The following CACNA1E variants were observed in gnomAD, a reference collection of about 807,000 sequenced individuals.
The protein encoded by CACNA1E is calcium voltage-gated channel subunit alpha1 E.
In CACNA1E, 40 loss-of-function variants were observed where a neutral mutation model predicts 259.2. The ratio of observed to expected loss-of-function variants is 0.15; its 90% confidence interval spans 0.12 to 0.20. The LOEUF (loss-of-function observed/expected upper bound fraction) is 0.20. CACNA1E is among the 10% of genes least tolerant of loss of function. The probability of loss-of-function intolerance (pLI) is 1.00; values close to 1 mark genes in which losing one functional copy is unlikely to be tolerated. For missense variants in CACNA1E, 1,874 were observed against 3,040.1 expected, an observed-to-expected ratio of 0.62 and a Z score of 9.02; for synonymous variants, 1,104 against 1,138.5, an observed-to-expected ratio of 0.97 and a Z score of 0.61.
At chr1:181,792,215 C>T (rs951269996) in intron 44 of CACNA1E, among the ~76,000 whole-genome samples, 2 of 152,214 alleles carry the variant, frequency 1.3e-5, no homozygotes, top group African/African-American at 4.8e-5. Flanking sequence ...TCCTTTCTTT[C>T]ACAGGGAGAC....
At chr1:181,349,690 G>A (rs1314072962) in intron 1 of CACNA1E, among the ~76,000 whole-genome samples, 1 of 152,070 alleles carries the variant, frequency 6.6e-6, no homozygotes, top group Non-Finnish European at 1.5e-5. Flanking sequence ...GAGGACTCAG[G>A]CCTGTGTAGG....
At chr1:181,477,613 C>T in intron 2 of CACNA1E, among the ~76,000 whole-genome samples, 1 of 152,040 alleles carries the variant, frequency 6.6e-6, no homozygotes, top group East Asian at 1.9e-4. Flanking sequence ...ATTCCTCTTT[C>T]TGACCTGATC....
At chr1:181,671,399 C>A (rs1648779990) in intron 7 of CACNA1E, among the ~76,000 whole-genome samples, 1 of 152,188 alleles carries the variant, frequency 6.6e-6, no homozygotes, top group South Asian at 2.1e-4. Context: ...CAGTCCCTTG[C>A]TCTTATGAAC....
At chr1:181,583,849 G>A (rs944058064) in intron 6 of CACNA1E, among the ~76,000 whole-genome samples, 1 of 152,050 alleles carries the variant, frequency 6.6e-6, no homozygotes, top group Non-Finnish European at 1.5e-5. Flanking sequence ...CAAAACTGTC[G>A]ACAGTTCTGG....
At chr1:181,358,218 A>G (rs1190959347) in intron 1 of CACNA1E, among the ~76,000 whole-genome samples, 1 of 152,064 alleles carries the variant, frequency 6.6e-6, no homozygotes, top group Non-Finnish European at 1.5e-5. Context: ...TCACTCCTCT[A>G]ATTTCAGGGG....
intron 1 of CACNA1E, among the ~76,000 whole-genome samples, chr1:181,500,031 G>A (rs1485905406): frequency 6.6e-6 from 1 of 152,188 alleles, no homozygotes; most frequent in East Asian, 1.9e-4. Context: ...GGCTGCTTCC[G>A]ACACACCTCC....
intron 1 of CACNA1E, among the ~76,000 whole-genome samples, chr1:181,502,710 G>A (rs1665361939): frequency 6.6e-6 from 1 of 152,044 alleles, no homozygotes; most frequent in Non-Finnish European, 1.5e-5. Flanking sequence ...GTTTTGTTTT[G>A]TTTTTTGAGA....
rs544325741 is a variant in CACNA1E at position 181,471,622 on chromosome 1, A to T, written c.435-12122A>T. 3.9e-5 allele frequency among the ~76,000 whole-genome samples: 6 copies of T among 152,302 alleles called. No homozygotes were observed. The East Asian group carries it at 7.7e-4, about 20-fold the overall frequency. Reference sequence around the variant, plus strand: ...CCAATGTTTTTCAATTAAGAAAAAAATGTAATTAATTTGAAGAAAATTATA... The same window carrying T: ...CCAATGTTTTTCAATTAAGAAAAAATTGTAATTAATTTGAAGAAAATTATA... On this transcript the variant is annotated intron_variant, in intron 2 of 11. Coordinates refer to the CACNA1E transcript ENST00000524607.
At chr1:181,583,631 A>G (rs549096805) in intron 6 of CACNA1E, among the ~76,000 whole-genome samples, 1 of 152,244 alleles carries the variant, frequency 6.6e-6, no homozygotes, top group East Asian at 1.9e-4. Context: ...ATGCCTCCCT[A>G]TGACCTTGTG....
At chr1:181,492,211 G>A (rs1427922247) in intron 1 of CACNA1E, among the ~76,000 whole-genome samples, 1 of 152,192 alleles carries the variant, frequency 6.6e-6, no homozygotes, top group Non-Finnish European at 1.5e-5. Context: ...TTGGCATATA[G>A]TATAATGACA....
At chr1:181,664,701 G>A (rs1190982269) in intron 7 of CACNA1E, among the ~76,000 whole-genome samples, 4 of 152,066 alleles carry the variant, frequency 2.6e-5, no homozygotes. Flanking sequence ...AGGATAGGTG[G>A]TTCTGGGGGC....
chr1:181,452,086 C>G (rs571254425), intron 2 of CACNA1E, among the ~76,000 whole-genome samples: 1 of 152,280 alleles, frequency 6.6e-6, no homozygotes, highest in East Asian at 1.9e-4. Flanking sequence ...AACTTGGAGC[C>G]CCTATGGTTA....
At chr1:181,560,666 A>G (rs779545401) in intron 3 of CACNA1E, among the ~76,000 whole-genome samples, 2 of 152,236 alleles carry the variant, frequency 1.3e-5, no homozygotes, top group Non-Finnish European at 2.9e-5. Flanking sequence ...TAAACATAAT[A>G]TGATTAACCA....
At chr1:181,592,467 G>A (rs972447788) in intron 6 of CACNA1E, among the ~76,000 whole-genome samples, 1 of 125,496 alleles carries the variant, frequency 8.0e-6, no homozygotes, top group African/African-American at 3.0e-5. Context: ...CCTCACTACA[G>A]CTCAGCTCCC....
At chr1:181,353,642 G>A (rs1291606925) in intron 1 of CACNA1E, among the ~76,000 whole-genome samples, 1 of 152,168 alleles carries the variant, frequency 6.6e-6, no homozygotes, top group Non-Finnish European at 1.5e-5. Context: ...AGACACTTTG[G>A]ATGAGGCATT....
Position 181,772,146 on chromosome 1 carries a change from C to A in CACNA1E, c.5054C>A (p.Pro1685Gln). 1 of 1,613,958 alleles carries A rather than the reference C, an allele frequency of 6.2e-7. No homozygotes were observed. The change falls in exon 37 of 48, where the codon CCA becomes CAA. Residue 1685 changes from proline (P) to glutamine (Q), a missense_variant. This residue lies in a region of CACNA1E where 147 missense variants were observed against 337.1 expected (regional missense o/e 0.44). Coordinates refer to ENST00000367573, the MANE Select transcript of CACNA1E (RefSeq NM_001205293.3). ...GGCTGTGAGCCTGACACCACCGCAC[C>A]ATCAGGGCAGAACGAGAACGAACGC... ...EKGCEPDTTAPSGQNENERCG... is the reference protein window; with the variant it reads ...EKGCEPDTTAQSGQNENERCG...
chr1:181,782,033 C>T (rs1660474026), intron 39 of CACNA1E, among the ~76,000 whole-genome samples: 1 of 152,136 alleles, frequency 6.6e-6, no homozygotes, highest in Non-Finnish European at 1.5e-5. Context: ...AAACTCATAA[C>T]AAATGTTTTC....
intron 43 of CACNA1E, among the ~76,000 whole-genome samples, chr1:181,788,165 G>A (rs1661002684): frequency 6.6e-6 from 1 of 152,194 alleles, no homozygotes. Flanking sequence ...GAGAAATTTG[G>A]TAGATAAGAC....
intron 3 of CACNA1E, among the ~76,000 whole-genome samples, chr1:181,567,642 T>G (rs146632433): frequency 6.6e-6 from 1 of 152,222 alleles, no homozygotes; most frequent in Admixed American, 6.5e-5. Flanking sequence ...TCTTCTACAA[T>G]GCCATGTTTG....
Sources: allele counts gnomAD v4.1 joint callset (sites outside exome capture counted in the v4.1 genomes callset), GRCh38; gene constraint gnomAD v4.1.1; regional missense constraint gnomAD v4.1.1; transcripts MANE v1.5; gene names NCBI Gene and HGNC (gene_info 2026-07-23, HGNC 2026-07-21).